TASP1: variants seen among roughly 807,000 people sequenced by gnomAD.
The protein encoded by TASP1 is taspase 1.
In TASP1, 16 loss-of-function variants were observed where a neutral mutation model predicts 56.6. The observed-to-expected ratio is 0.28, with a 90% CI of 0.19 to 0.43. TASP1 has a LOEUF of 0.43. TASP1 is among the 20% of genes least tolerant of loss of function. The probability of loss-of-function intolerance (pLI) is 1.00; values close to 1 mark genes in which losing one functional copy is unlikely to be tolerated. For synonymous variants in TASP1, 179 were observed against 184.2 expected (o/e 0.97, Z 0.23); for missense variants, 393 against 511.6 (o/e 0.77, Z 2.24).
chr20:13,368,968 T>C, the TASP1 span, among the ~76,000 whole-genome samples: 3 of 152,182 alleles, frequency 2.0e-5, no homozygotes, highest in Admixed American at 1.3e-4. Context: ...TTTTTAAAAT[T>C]TTCATTTTGA....
chr20:13,417,370 T>A (rs948607569), intron 13 of TASP1, 78 bp downstream of exon 13: 11 of 1,499,316 alleles, frequency 7.3e-6, no homozygotes, highest in Non-Finnish European at 1.0e-5. Context: ...AAAAAATTCA[T>A]CCACATCAAC....
chr20:13,618,086 C>T (rs2048583917), intron 4 of TASP1, among the ~76,000 whole-genome samples: 1 of 151,954 alleles, frequency 6.6e-6, no homozygotes, highest in Non-Finnish European at 1.5e-5. Context: ...ACCAACATTC[C>T]CATTCTGGAG....
the TASP1 span, among the ~76,000 whole-genome samples, chr20:13,278,420 T>C: frequency 6.6e-6 from 1 of 152,216 alleles, no homozygotes; most frequent in Non-Finnish European, 1.5e-5. Flanking sequence ...CTTGTACTTA[T>C]GTCTCTATAC....
intron 11 of TASP1, among the ~76,000 whole-genome samples, chr20:13,479,440 T>G (rs1311019009): frequency 6.6e-6 from 1 of 152,024 alleles, no homozygotes; most frequent in Admixed American, 6.6e-5. Context: ...ATAATTTCAT[T>G]TAATGGCTAA....
At chr20:13,372,055 T>C in the TASP1 span, among the ~76,000 whole-genome samples, 1 of 152,232 alleles carries the variant, frequency 6.6e-6, no homozygotes, top group East Asian at 1.9e-4. Flanking sequence ...GTATAACTTC[T>C]GTAGAGAGCA....
chr20:13,169,851 C>T, the TASP1 span, among the ~76,000 whole-genome samples: 1 of 152,170 alleles, frequency 6.6e-6, no homozygotes, highest in Non-Finnish European at 1.5e-5. Flanking sequence ...CTTTGAAGCA[C>T]ATCCCAGAAA....
At position 13,542,218 on chromosome 20, in the gene TASP1, A is replaced by C. The variant is rs138179302; in HGVS notation, c.676-8077T>G. On this transcript the variant is annotated intron_variant, in intron 8 of 13. Coordinates refer to ENST00000337743, the MANE Select transcript of TASP1 (RefSeq NM_017714.3). ...AAAACGATACACCAAGCAGATATCA[A>C]TCCAAACAATGAAACTATGTTAACA... Among the ~76,000 whole-genome samples the C allele has an allele frequency of 6.9e-4, 105 of 152,290 alleles. No homozygotes were observed. The East Asian group carries it at 0.016, about 23-fold the overall frequency.
chr20:13,325,739 T>C, the TASP1 span, among the ~76,000 whole-genome samples: 17,258 of 152,246 alleles, frequency 0.11, 1,384 homozygotes, highest in Non-Finnish European at 0.17. Context: ...GGTTCATCCA[T>C]TTGAACCTGA....
intron 4 of TASP1, among the ~76,000 whole-genome samples, chr20:13,616,353 G>C (rs1221459591): frequency 6.6e-6 from 1 of 152,022 alleles, no homozygotes; most frequent in African/African-American, 2.4e-5. Context: ...AGAAAAACAA[G>C]GGCATACATA....
At chr20:13,137,316 G>A in the TASP1 span, among the ~76,000 whole-genome samples, 9 of 152,144 alleles carry the variant, frequency 5.9e-5, no homozygotes, top group Admixed American at 1.3e-4. Flanking sequence ...CTACTTGCAC[G>A]TTACACACTG....
intron 10 of TASP1, among the ~76,000 whole-genome samples, chr20:13,520,147 T>G (rs906731182): frequency 2.0e-5 from 3 of 152,086 alleles, no homozygotes; most frequent in African/African-American, 7.2e-5. Flanking sequence ...GAAAGAACAT[T>G]CCATGCTCAT....
At chr20:13,445,516 G>A (rs1359509438) in intron 11 of TASP1, among the ~76,000 whole-genome samples, 2 of 152,186 alleles carry the variant, frequency 1.3e-5, no homozygotes, top group African/African-American at 4.8e-5. Context: ...TCCAGCAACA[G>A]TGATGAGTTG....
chr20:13,138,582 C>G, the TASP1 span, among the ~76,000 whole-genome samples: 8 of 152,204 alleles, frequency 5.3e-5, no homozygotes, highest in East Asian at 1.5e-3. Flanking sequence ...ATACTTGGGA[C>G]TAAGCAGATT....
chr20:13,637,955 G>A (rs1330226465), intron 1 of TASP1, among the ~76,000 whole-genome samples: 2 of 152,208 alleles, frequency 1.3e-5, no homozygotes, highest in East Asian at 3.9e-4. Flanking sequence ...TGAACACAAT[G>A]TATGTAACTA....
In TASP1 at chr20:13,435,145, A is replaced by C; in HGVS notation, c.995T>G (p.Phe332Cys). 6.2e-7 allele frequency: 1 copy of C among 1,604,056 alleles called. No homozygotes were observed. The highest frequency in any genetic ancestry group is 8.5e-7 in the Non-Finnish European group (1 of 1,174,952). The part of the protein sequence containing the change: ...TMQNKFISSP[F>C]LASEDGVLGG... ...AAGCACGCCATCTTCACTGGCAAGG[A>C]AAGGTGAACCTAGGCAGAAAGGACT... Residue 332 changes from phenylalanine to cysteine, a missense_variant, in exon 12 of 14, where the codon TTC becomes TGC. Transcript: ENST00000337743.
the TASP1 span, among the ~76,000 whole-genome samples, chr20:13,122,536 A>C: frequency 1.3e-5 from 2 of 152,192 alleles, no homozygotes; most frequent in African/African-American, 4.8e-5. Context: ...TTAGGTCCAA[A>C]TCCTTGTTCT....
At chr20:13,348,828 A>G in the TASP1 span, among the ~76,000 whole-genome samples, 1 of 152,132 alleles carries the variant, frequency 6.6e-6, no homozygotes, top group Non-Finnish European at 1.5e-5. Flanking sequence ...CCCTAGAGGA[A>G]TATTTCCCTC....
chr20:13,145,913 A>G, the TASP1 span, among the ~76,000 whole-genome samples: 1 of 152,188 alleles, frequency 6.6e-6, no homozygotes, highest in African/African-American at 2.4e-5. Flanking sequence ...TTAATAAATA[A>G]TCAGCATCAT....
At chr20:13,533,485 A>G (rs1247412451) in intron 9 of TASP1, among the ~76,000 whole-genome samples, 2 of 152,182 alleles carry the variant, frequency 1.3e-5, no homozygotes, top group Non-Finnish European at 1.5e-5. Context: ...AAATTAGACC[A>G]TCTCCATTTC....
Sources: gnomAD v4.1 joint callset for allele counts (sites outside exome capture counted in the v4.1 genomes callset) on GRCh38, gnomAD v4.1.1 for gene constraint, MANE v1.5 for transcripts, NCBI Gene and HGNC (gene_info 2026-07-23, HGNC 2026-07-21) for gene names.